Variants in NLRP3 observed in about 807,000 individuals in gnomAD.
NLRP3 encodes the protein NLR family pyrin domain containing 3, also known as NACHT, LRR and PYD domains-containing protein 3.
A neutral mutation model predicts 91.3 loss-of-function variants in NLRP3; 48 were observed. The ratio of observed to expected loss-of-function variants is 0.53; its 90% CI spans 0.42 to 0.67. The LOEUF is 0.67. Among genes scored for constraint, NLRP3 ranks in the 30% least tolerant of loss-of-function variants. NLRP3 has a pLI of 0.00. For missense variants in NLRP3, 982 were observed against 1,276.9 expected, an observed-to-expected ratio of 0.77 and a Z score of 3.52; for synonymous variants, 561 against 507.9, an observed-to-expected ratio of 1.10 and a Z score of -1.41.
rs1218946980 is a variant in NLRP3, at chr1:247,448,560, C to G, written c.*56C>G. On this transcript the variant is annotated 3_prime_UTR_variant, in exon 10 of 10. Transcript: ENST00000336119. ...TTCTCCGGTCCCTCCAGCTGGGGGCCCTCAGGTGGAGAGAGCTGCGATCCA... is the reference window on the plus strand; with the variant it reads ...TTCTCCGGTCCCTCCAGCTGGGGGCGCTCAGGTGGAGAGAGCTGCGATCCA... 9.5e-7 allele frequency: 1 copy of G among 1,054,114 alleles called. No individual in the cohort carries two copies. Among genetic ancestry groups the G allele is most frequent in the Non-Finnish European group, 1.5e-6 (1 of 668,884 alleles). The allele number at this position is 1,054,114 out of a possible 1,614,324, so 65.3% of individuals were successfully genotyped here. A position where few individuals can be genotyped will look rare whatever the true frequency, so the allele number is the denominator to read the frequency against.
At chr1:247,443,005 A>C (rs1307053152) in intron 7 of NLRP3, among the ~76,000 whole-genome samples, 1 of 152,138 alleles carries the variant, frequency 6.6e-6, no homozygotes, top group Non-Finnish European at 1.5e-5. Flanking sequence ...GGCTCACTGC[A>C]ACCTCTGCCT....
intron 2 of NLRP3, among the ~76,000 whole-genome samples, chr1:247,422,589 A>G (rs766245375): frequency 4.6e-5 from 7 of 152,084 alleles, no homozygotes; most frequent in Non-Finnish European, 8.8e-5. Flanking sequence ...AGCTTTTAGT[A>G]TGTGATGGTT....
intron 7 of NLRP3, among the ~76,000 whole-genome samples, chr1:247,443,476 T>C (rs1328227230): frequency 1.3e-5 from 2 of 151,108 alleles, no homozygotes; most frequent in African/African-American, 4.9e-5. Flanking sequence ...GCTTAGAAGG[T>C]CACAATGGAC....
intron 2 of NLRP3, 37 bp downstream of exon 2, chr1:247,419,114 C>T: frequency 1.9e-6 from 3 of 1,579,662 alleles, no homozygotes; most frequent in Admixed American, 1.7e-5. Flanking sequence ...AAATTGTGGC[C>T]AAGTGCACAT....
rs748852059 is a variant in NLRP3 at position 247,448,703 on chromosome 1, C to T, written c.*199C>T. On this transcript the variant is annotated 3_prime_UTR_variant, in exon 10 of 10. Transcript: ENST00000336119. ...CTCCTTTACGCCAGGGTGAGGAAGA[C>T]ACCAGGACAATGACAGCATCGGGTG... The T allele has an allele frequency of 1.4e-5, 9 of 626,852 alleles. No individual in the cohort carries two copies. Among genetic ancestry groups the T allele is most frequent in the Admixed American group, 2.5e-5 (1 of 40,406 alleles). The allele number at this position is 626,852 out of a possible 1,614,324, so 38.8% of individuals were successfully genotyped here. A position where few individuals can be genotyped will look rare whatever the true frequency, so the allele number is the denominator to read the frequency against.
Position 247,423,245 on chromosome 1 carries a change from G to A in NLRP3, c.293G>A (p.Arg98His), listed in dbSNP as rs201887896. ...DEPKWGSDNA[R>H]VSNPTVICQE... ...TCCCTTTTAGGTTCAGATAATGCAC[G>A]TGTTTCGAATCCCACTGTGATATGC... Residue 98 changes from arginine (R) to histidine (H), a missense_variant, in exon 3 of 10, where the codon CGT becomes CAT. By Grantham distance (29) the Arg-to-His change is conservative. Coordinates refer to ENST00000336119, the MANE Select transcript of NLRP3 (RefSeq NM_001243133.2). The A allele has an allele frequency of 8.7e-6, 14 of 1,612,798 alleles. No individual in the cohort carries two copies. In the East Asian group the frequency reaches 1.8e-4, roughly 21 times the overall value.
intron 3 of NLRP3, 27 bp from the exon 4 acceptor site, chr1:247,423,820 C>A: frequency 6.2e-7 from 1 of 1,605,842 alleles, no homozygotes; most frequent in Non-Finnish European, 8.5e-7. Context: ...TGTATACTTT[C>A]CCCCTAACTT....
Position 247,418,644 on chromosome 1 carries a change from C to T in NLRP3, c.-157C>T. 1.1e-6 allele frequency: 1 copy of T among 927,916 alleles called. No individual in the cohort carries two copies. Among genetic ancestry groups the T allele is most frequent in the Non-Finnish European group, 1.7e-6 (1 of 599,622 alleles). The allele number at this position is 927,916 out of a possible 1,614,324, so 57.5% of individuals were successfully genotyped here. A position where few individuals can be genotyped will look rare whatever the true frequency, so the allele number is the denominator to read the frequency against. The stretch of plus-strand genomic sequence containing the variant: ...ATTAAAGATTTTGACTTGTTACAGT[C>T]ATGTGACATTTTTTTCTTTCTGTTT... On this transcript the variant is annotated 5_prime_UTR_variant, in exon 2 of 10. Coordinates refer to ENST00000336119, the MANE Select transcript of NLRP3 (RefSeq NM_001243133.2).
intron 2 of NLRP3, among the ~76,000 whole-genome samples, 187 bp downstream of exon 2, chr1:247,419,264 C>T (rs978639531): frequency 3.3e-5 from 5 of 151,842 alleles, no homozygotes; most frequent in Admixed American, 3.3e-4. Flanking sequence ...AAGCGATTTT[C>T]CTGCCTCAGC....
chr1:247,439,974 G>A (rs1011575438), intron 7 of NLRP3, among the ~76,000 whole-genome samples: 4 of 152,192 alleles, frequency 2.6e-5, no homozygotes, highest in African/African-American at 4.8e-5. Flanking sequence ...TTAATCAGTC[G>A]AGACTTTTAT....
At chr1:247,422,378 C>CA (rs3078448) in intron 2 of NLRP3, among the ~76,000 whole-genome samples, 112,232 of 141,922 alleles carry the variant, frequency 0.79, 45,313 homozygotes, top group East Asian at 0.98. Flanking sequence ...GGCCCTGTCT[C>CA]AAAAAAAAAA....
chr1:247,441,096 C>G (rs1021222355), intron 7 of NLRP3, among the ~76,000 whole-genome samples: 2 of 148,874 alleles, frequency 1.3e-5, no homozygotes, highest in African/African-American at 2.5e-5. Context: ...TTCCTTCTTC[C>G]TCCTCCTCCT....
At chr1:247,422,015 A>G (rs1662495401) in intron 2 of NLRP3, among the ~76,000 whole-genome samples, 1 of 152,134 alleles carries the variant, frequency 6.6e-6, no homozygotes, top group Non-Finnish European at 1.5e-5. Flanking sequence ...AAAAAGAATA[A>G]GATTTTGGTT....
rs746159202 is a variant in NLRP3 at position 247,423,951 on chromosome 1, C to T, written c.502C>T (p.Arg168Ter). ...ESVSLNKRYTRLRLIKEHRSQ... is the reference protein window; with the variant it reads ...ESVSLNKRYT ...TGTGAGCCTCAACAAACGCTACACA[C>T]GACTGCGTCTCATCAAGGAGCACCG... The change falls in exon 4 of 10, where the codon CGA becomes TGA. Residue 168 changes from arginine (R) to a stop codon, truncating the protein, a stop_gained. Transcript: ENST00000336119. LOFTEE classifies it high-confidence loss of function. 9.9e-6 allele frequency: 16 copies of T among 1,613,812 alleles called. No individual in the cohort carries two copies. The highest frequency in any genetic ancestry group is 6.7e-5 in the Admixed American group (4 of 59,972).
In NLRP3 at chr1:247,425,033, C is replaced by T. The variant is rs201644343; in HGVS notation, c.1584C>T (p.Ala528=). 45 of 1,614,010 alleles carry T rather than the reference C, an allele frequency of 2.8e-5. No homozygotes were observed. The highest frequency in any genetic ancestry group is 2.4e-4 in the South Asian group (22 of 91,078). The change falls in exon 4 of 10, where the codon GCC becomes GCT. Residue 528 remains alanine (A), a synonymous_variant. Transcript: ENST00000336119. This position sits in a 1 kb window ranked among gnomAD's most constrained non-coding sequence, Gnocchi z 4.1. ...FIHMTFQEFF[A]AMYYLLEEEK... The stretch of plus-strand genomic sequence containing the variant: ...ACATGACTTTCCAGGAGTTCTTTGC[C>T]GCCATGTACTACCTGCTGGAAGAGG...
At chr1:247,435,895 A>G (rs1284313172) in intron 6 of NLRP3, 75 bp from the exon 7 acceptor site, 2 of 1,361,500 alleles carry the variant, frequency 1.5e-6, no homozygotes, top group Non-Finnish European at 1.0e-6. Flanking sequence ...AGGCAGTGGC[A>G]GGTACGGGTG....
Position 247,425,512 on chromosome 1 carries a change from A to T in NLRP3, c.2063A>T (p.Glu688Val). The T allele has an allele frequency of 6.2e-7, 1 of 1,614,140 alleles. No homozygotes were observed. ...GGGTTTCTCCATAACATGCCCAAGGAGGAAGAGGAGGAGGAAAAGGAAGGC... is the reference window on the plus strand; with the variant it reads ...GGGTTTCTCCATAACATGCCCAAGGTGGAAGAGGAGGAGGAAAAGGAAGGC... Reference protein sequence around the residue: ...SLGFLHNMPKEEEEEEKEGRH... With the variant: ...SLGFLHNMPKVEEEEEKEGRH... Residue 688 changes from glutamate to valine, a missense_variant, in exon 4 of 10, where the codon GAG becomes GTG. By Grantham distance (121) the Glu-to-Val change is moderately radical. Transcript: ENST00000336119. This position sits in a 1 kb window ranked among gnomAD's most constrained non-coding sequence, Gnocchi z 4.1.
chr1:247,416,724 A>G (rs968073275), intron 1 of NLRP3, among the ~76,000 whole-genome samples: 5 of 151,398 alleles, frequency 3.3e-5, no homozygotes, highest in Non-Finnish European at 2.9e-5. Context: ...CTGTCTGGAG[A>G]GCAGTCACCT....
At chr1:247,429,518 C>G in intron 4 of NLRP3, 67 bp from the exon 5 acceptor site, 17 of 1,569,370 alleles carry the variant, frequency 1.1e-5, no homozygotes, top group Non-Finnish European at 1.5e-5. Context: ...GCACCCCGGC[C>G]CCCAGCTCCA....
Sources: gnomAD v4.1 joint callset for allele counts (sites outside exome capture counted in the v4.1 genomes callset) on GRCh38, gnomAD v4.1.1 for gene constraint, Gnocchi (gnomAD v3.1) non-coding constraint, MANE v1.5 for transcripts, NCBI Gene and HGNC (gene_info 2026-07-23, HGNC 2026-07-21) for gene names.